Variants in SETD7 observed in about 807,000 individuals in gnomAD.
SETD7 encodes SET domain containing 7, histone lysine methyltransferase, also known as histone-lysine N-methyltransferase SETD7.
SETD7 carries 16 observed loss-of-function variants against 41.8 expected under a neutral mutation model. That is an observed-to-expected ratio of 0.38 (90% CI 0.26 to 0.58). SETD7 has a LOEUF of 0.58. Among genes scored for constraint, SETD7 ranks in the 20% least tolerant of loss-of-function variants. SETD7 has a pLI of 0.64. For missense variants in SETD7, 346 were observed against 459.7 expected (o/e 0.75, Z 2.26); for synonymous variants, 163 against 169.7 (o/e 0.96, Z 0.31).
intron 7 of SETD7, among the ~76,000 whole-genome samples, chr4:139,499,552 G>T (rs1726528509): frequency 6.6e-6 from 1 of 152,014 alleles, no homozygotes; most frequent in Admixed American, 6.5e-5. Flanking sequence ...CTGGTCCCAA[G>T]ACCCCCCCTC....
chr4:139,504,095 C>T (rs1181554093), downstream of SETD7, among the ~76,000 whole-genome samples: 1 of 152,160 alleles, frequency 6.6e-6, no homozygotes, highest in East Asian at 1.9e-4. Context: ...TAGGGCCACT[C>T]AGCACTTCTT....
At chr4:139,536,382 T>C (rs1222420345) in intron 2 of SETD7, among the ~76,000 whole-genome samples, 1 of 152,152 alleles carries the variant, frequency 6.6e-6, no homozygotes, top group African/African-American at 2.4e-5. Context: ...GGACTAATAA[T>C]GAATACTCTG....
chr4:139,535,363 T>C lies in SETD7; in HGVS notation c.171-1997A>G, dbSNP rs573636725. ...TTTTTTTGTTGAGCAAATTCCAATT[T>C]AACTGGGTGTCCTGGATTTAACTAG... On this transcript the variant is annotated intron_variant, in intron 2 of 7. Transcript: ENST00000274031. 3.0e-4 allele frequency among the ~76,000 whole-genome samples: 45 copies of C among 152,340 alleles called. 1 individual carries two copies. Among genetic ancestry groups the C allele is most frequent in the Non-Finnish European group, 5.1e-4 (35 of 68,018 alleles).
In SETD7 at chr4:139,533,193, C is replaced by A; in HGVS notation, c.344G>T (p.Arg115Leu). 1.9e-6 allele frequency: 3 copies of A among 1,614,130 alleles called. No homozygotes were observed. Among genetic ancestry groups the A allele is most frequent in the Non-Finnish European group, 2.5e-6 (3 of 1,179,998 alleles). ...GTAATATATCCAGCACACTCCATGA[C>A]GAATGTTATCTTTATACTGCCCCTT... The part of the protein sequence containing the change: ...IFKGQYKDNI[R>L]HGVCWIYYPD... Residue 115 changes from arginine to leucine, a missense_variant, in exon 3 of 8, where the codon CGT (arginine) becomes CTT (leucine). Around this residue, in one of 3 missense-constraint regions of SETD7, gnomAD observed 266 missense variants for 377.0 expected, o/e 0.71. Coordinates refer to ENST00000274031, the MANE Select transcript of SETD7 (RefSeq NM_030648.4).
At chr4:139,547,195 G>A in intron 1 of SETD7, 146 bp from the exon 2 acceptor site, 1 of 987,922 alleles carries the variant, frequency 1.0e-6, no homozygotes, top group Non-Finnish European at 1.5e-6. Context: ...AGAAAGGGTA[G>A]TCAGCGTGCA....
intron 1 of SETD7, among the ~76,000 whole-genome samples, chr4:139,551,672 A>G (rs971342402): frequency 7.2e-5 from 11 of 151,900 alleles, no homozygotes; most frequent in Admixed American, 4.6e-4. Flanking sequence ...CCTTAGAACC[A>G]GAGACCCTAC....
chr4:139,511,241 T>C lies in SETD7; in HGVS notation c.*422A>G. ...TAAAGATGTAGTAATTGTCAACCCTTAATACGGCACATATGCAAGTGTGCT... is the reference window on the plus strand; with the variant it reads ...TAAAGATGTAGTAATTGTCAACCCTCAATACGGCACATATGCAAGTGTGCT... On this transcript the variant is annotated 3_prime_UTR_variant, in exon 8 of 8. Coordinates refer to ENST00000274031, the MANE Select transcript of SETD7 (RefSeq NM_030648.4). 1 of 205,606 alleles carries C rather than the reference T, an allele frequency of 4.9e-6. No individual in the cohort carries two copies. 12.7% of individuals were successfully genotyped at this position (205,606 alleles called of 1,614,324 possible).
chr4:139,547,144 C>A, intron 1 of SETD7, 95 bp from the exon 2 acceptor site: 11 of 1,483,790 alleles, frequency 7.4e-6, no homozygotes, highest in Non-Finnish European at 1.0e-5. Flanking sequence ...AAGTCCCCCA[C>A]CCAACTCCCC....
chr4:139,540,927 T>C (rs1277700579), intron 2 of SETD7, among the ~76,000 whole-genome samples: 2 of 152,176 alleles, frequency 1.3e-5, no homozygotes, highest in South Asian at 2.1e-4. Context: ...AAATCCTGCA[T>C]AGACTTGACA....
chr4:139,504,064 G>T (rs1211059913), downstream of SETD7, among the ~76,000 whole-genome samples: 6 of 152,190 alleles, frequency 3.9e-5, no homozygotes, highest in African/African-American at 7.2e-5. Flanking sequence ...GAAGAACTTG[G>T]TGGAGCTGCT....
chr4:139,533,973 G>C (rs1156305631), intron 2 of SETD7, among the ~76,000 whole-genome samples: 1 of 151,814 alleles, frequency 6.6e-6, no homozygotes, highest in South Asian at 2.1e-4. Context: ...ATCTATGTAT[G>C]TATGTATGTA....
intron 4 of SETD7, among the ~76,000 whole-genome samples, chr4:139,526,605 A>G (rs1727336770): frequency 6.6e-6 from 1 of 152,140 alleles, no homozygotes; most frequent in Non-Finnish European, 1.5e-5. Flanking sequence ...ATTTATAGCA[A>G]GAAGAATGTA....
rs11357611 is a variant in SETD7, at chr4:139,522,741, CTTTTTTTTTTTT to C, written c.644+601_644+612del. On this transcript the variant is annotated intron_variant, in intron 5 of 7. Transcript: ENST00000274031. ...CAGCTGGCTGCCTGGCCCAGCTGCT[CTTTTTTTTTTTT>C]TTTTTTTTTTTTTCTTTTTAGATGG... Among the ~76,000 whole-genome samples, 350 of 93,448 alleles carry C rather than the reference CTTTTTTTTTTTT, an allele frequency of 3.7e-3. 2 individuals are homozygous for C. Among genetic ancestry groups the C allele is most frequent in the African/African-American group, 0.014 (326 of 22,678 alleles). 61.3% of individuals were successfully genotyped at this position (93,448 alleles called of 152,430 possible).
At chr4:139,531,331 C>T (rs574586867) in intron 3 of SETD7, among the ~76,000 whole-genome samples, 11 of 152,290 alleles carry the variant, frequency 7.2e-5, no homozygotes, top group Admixed American at 6.5e-4. Flanking sequence ...AGTAAAATGA[C>T]AGGTAGTAGG....
intron 2 of SETD7, among the ~76,000 whole-genome samples, chr4:139,544,032 G>A (rs1037054650): frequency 2.0e-5 from 3 of 152,082 alleles, no homozygotes; most frequent in Admixed American, 2.0e-4. Flanking sequence ...GCTCACGCCT[G>A]TAACCCCAGC....
chr4:139,551,799 T>C (rs1728117246), intron 1 of SETD7, among the ~76,000 whole-genome samples: 1 of 152,174 alleles, frequency 6.6e-6, no homozygotes, highest in Non-Finnish European at 1.5e-5. Context: ...GGTGGATCTC[T>C]TGAGCCCAGG....
chr4:139,518,158 C>G, intron 6 of SETD7, 116 bp from the exon 7 acceptor site: 1 of 1,133,918 alleles, frequency 8.8e-7, no homozygotes, highest in Non-Finnish European at 1.2e-6. Flanking sequence ...GACAGGGTCT[C>G]ACTCTGTCAC....
chr4:139,524,727 G>A (rs1248062441), intron 4 of SETD7, among the ~76,000 whole-genome samples: 2 of 152,140 alleles, frequency 1.3e-5, no homozygotes, highest in East Asian at 3.9e-4. Flanking sequence ...AATAATAGCG[G>A]GCAGTGAAAG....
At position 139,556,077 on chromosome 4, in the gene SETD7, GC is replaced by G; in HGVS notation, c.40+20del. On this transcript the variant is annotated intron_variant, in intron 1 of 7. Transcript: ENST00000274031. ...CAGGCCCTCTGCGCCTCCTCCCCCG[GC>G]CCCGGAGAAATGCTTGTACCTTCCA... The G allele has an allele frequency of 6.3e-7, 1 of 1,586,202 alleles. No individual in the cohort carries two copies. Among genetic ancestry groups the G allele is most frequent in the Non-Finnish European group, 8.6e-7 (1 of 1,167,506 alleles).
Sources: gnomAD v4.1 joint callset for allele counts (sites outside exome capture counted in the v4.1 genomes callset) on GRCh38, gnomAD v4.1.1 for gene constraint, gnomAD v4.1.1 regional missense constraint, MANE v1.5 for transcripts, NCBI Gene and HGNC (gene_info 2026-07-23, HGNC 2026-07-21) for gene names.